MYLK3: variants seen among roughly 807,000 people sequenced by gnomAD.
MYLK3 encodes MLC kinase.
Under a neutral mutation model 76.3 loss-of-function variants are expected in MYLK3, and 55 were observed. That is an observed-to-expected ratio of 0.72 (90% CI 0.58 to 0.90). The LOEUF (loss-of-function observed/expected upper bound fraction) is 0.90, where lower values mean the gene tolerates loss of function less well. MYLK3 is among the 40% of genes least tolerant of loss of function. The probability of loss-of-function intolerance (pLI) is 0.00; values close to 1 mark genes in which losing one functional copy is unlikely to be tolerated. For missense variants in MYLK3, 973 were observed against 1,053.6 expected (o/e 0.92, Z 1.06); for synonymous variants, 416 against 425.4 (o/e 0.98, Z 0.27).
intron 8 of MYLK3, chr16:46,725,821 A>T (rs933031861): frequency 5.9e-5 from 9 of 152,210 alleles, no homozygotes; most frequent in African/African-American, 1.7e-4. Context: ...TTTTTGGAAG[A>T]ATTTGTAAAG....
chr16:46,712,527 G>C, intron 10 of MYLK3, 121 bp downstream of exon 10: 2 of 861,982 alleles, frequency 2.3e-6, no homozygotes, highest in Non-Finnish European at 3.3e-6. Flanking sequence ...TCCTCTATTG[G>C]GGTTTCCTGG....
At chr16:46,753,536 T>G (rs1398827907) in intron 1 of MYLK3, among the ~76,000 whole-genome samples, 2 of 151,972 alleles carry the variant, frequency 1.3e-5, no homozygotes, top group Admixed American at 1.3e-4. Flanking sequence ...GCCTTCAAGA[T>G]GAAAAGGGAA....
intron 9 of MYLK3, among the ~76,000 whole-genome samples, chr16:46,713,740 C>T (rs1966708629): frequency 6.6e-6 from 1 of 152,250 alleles, no homozygotes; most frequent in Admixed American, 6.5e-5. Flanking sequence ...CCCAGTGCCA[C>T]CTGCCCTGTC....
chr16:46,758,304 A>ACACT (rs1567294867), intron 1 of MYLK3, among the ~76,000 whole-genome samples: 2 of 87,266 alleles, frequency 2.3e-5, no homozygotes, highest in African/African-American at 9.4e-5. Flanking sequence ...ACACACACAC[A>ACACT]CTCTCTCTCT....
At chr16:46,742,447 AACAC>A (rs57671045) in intron 1 of MYLK3, among the ~76,000 whole-genome samples, 103 of 131,186 alleles carry the variant, frequency 7.9e-4, no homozygotes, top group African/African-American at 2.8e-3. Context: ...TCCCAGCAAA[AACAC>A]ACACACACAC....
At chr16:46,739,472 G>A (rs1966895825) in intron 2 of MYLK3, among the ~76,000 whole-genome samples, 1 of 152,108 alleles carries the variant, frequency 6.6e-6, no homozygotes, top group African/African-American at 2.4e-5. Flanking sequence ...GAGCAACACA[G>A]GTTTGAACTG....
At chr16:46,746,227 G>C (rs1967018086) in intron 1 of MYLK3, among the ~76,000 whole-genome samples, 1 of 151,920 alleles carries the variant, frequency 6.6e-6, no homozygotes. Flanking sequence ...AAATGTAGAT[G>C]CTATATGAGA....
intron 1 of MYLK3, among the ~76,000 whole-genome samples, chr16:46,760,128 C>T (rs928085716): frequency 6.6e-6 from 1 of 152,180 alleles, no homozygotes; most frequent in Non-Finnish European, 1.5e-5. Flanking sequence ...CTCTGCTCAT[C>T]CAAGGGGGAG....
intron 12 of MYLK3, 82 bp downstream of exon 12, chr16:46,709,456 AG>A: frequency 4.8e-6 from 7 of 1,457,296 alleles, no homozygotes; most frequent in South Asian, 1.3e-5. Context: ...AAAAAAAAAA[AG>A]AAAAGGAAAC....
At chr16:46,709,738 A>G in intron 11 of MYLK3, 67 bp from the exon 12 acceptor site, 3 of 1,568,588 alleles carry the variant, frequency 1.9e-6, no homozygotes, top group South Asian at 2.3e-5. Flanking sequence ...AAATCTGTTC[A>G]CTTGAGTAGG....
chr16:46,707,495 T>C lies in MYLK3; in HGVS notation c.*209A>G, dbSNP rs1304641175. 8 of 532,052 alleles carry C rather than the reference T, an allele frequency of 1.5e-5. No homozygotes were observed. The highest frequency in any genetic ancestry group is 2.7e-5 in the Non-Finnish European group (8 of 301,452). The allele number at this position is 532,052 out of a possible 1,614,324, so 33.0% of individuals were successfully genotyped here. On this transcript the variant is annotated 3_prime_UTR_variant, in exon 13 of 13. Coordinates refer to ENST00000394809, the MANE Select transcript of MYLK3 (RefSeq NM_182493.3). The stretch of plus-strand genomic sequence containing the variant: ...GGTACTCAGAGCATTTCACACGTAG[T>C]GATCTTACAAGGCAGAAAAAAACGT...
rs1260828261 is a variant in MYLK3 at position 46,729,217 on chromosome 16, ACTC to A, written c.1663-87_1663-85del. On this transcript the variant is annotated intron_variant, in intron 6 of 12. Coordinates refer to ENST00000394809, the MANE Select transcript of MYLK3 (RefSeq NM_182493.3). ...GCTGACCTCCCAAGACAGACACAGA[ACTC>A]CTCATTCTTCCTTAGTTTCCTATTC... The A allele has an allele frequency of 4.8e-6, 5 of 1,031,330 alleles. No individual in the cohort carries two copies. The East Asian group carries it at 1.2e-4, about 25-fold the overall frequency. 63.9% of individuals were successfully genotyped at this position (1,031,330 alleles called of 1,614,324 possible). A position where few individuals can be genotyped will look rare whatever the true frequency, so the allele number is the denominator to read the frequency against.
chr16:46,734,198 T>C (rs531387244), intron 3 of MYLK3, among the ~76,000 whole-genome samples: 2 of 152,232 alleles, frequency 1.3e-5, no homozygotes, highest in African/African-American at 4.8e-5. Context: ...GAAGGTGGTG[T>C]CTACGCATTA....
chr16:46,721,512 G>C (rs530783097), intron 8 of MYLK3, among the ~76,000 whole-genome samples: 11 of 152,120 alleles, frequency 7.2e-5, no homozygotes, highest in Non-Finnish European at 1.3e-4. Flanking sequence ...GAATTCAGGG[G>C]TGTTTTGTTT....
At chr16:46,759,877 C>T (rs1967253637) in intron 1 of MYLK3, among the ~76,000 whole-genome samples, 1 of 152,226 alleles carries the variant, frequency 6.6e-6, no homozygotes, top group Non-Finnish European at 1.5e-5. Flanking sequence ...AGGTGATCCA[C>T]CCTCCTTGGC....
chr16:46,727,350 C>G lies in MYLK3; in HGVS notation c.1800G>C (p.Arg600=). 1.2e-6 allele frequency: 2 copies of G among 1,613,054 alleles called. No individual in the cohort carries two copies. Among genetic ancestry groups the G allele is most frequent in the Non-Finnish European group, 1.7e-6 (2 of 1,179,172 alleles). The change falls in exon 8 of 13, where the codon CGG becomes CGC. Residue 600 remains arginine, a synonymous_variant. Coordinates refer to ENST00000394809, the MANE Select transcript of MYLK3 (RefSeq NM_182493.3). ...TCAGGTGGTACTTCTCATCTGTGATCCGGTCGAAGAGCTCACCCCCGTCCA... is the reference window on the plus strand; with the variant it reads ...TCAGGTGGTACTTCTCATCTGTGATGCGGTCGAAGAGCTCACCCCCGTCCA... ...EYVDGGELFD[R]ITDEKYHLTE...
rs554780751 is a variant in MYLK3, at chr16:46,733,758, G to A, written c.1002-1090C>T. On this transcript the variant is annotated intron_variant, in intron 3 of 12. Transcript: ENST00000394809. ...ACAGCACGGGGTCTATGTGTGTTAGGGGGTGAGGGTGACAGTGTCTGGCGG... is the reference window on the plus strand; with the variant it reads ...ACAGCACGGGGTCTATGTGTGTTAGAGGGTGAGGGTGACAGTGTCTGGCGG... Among the ~76,000 whole-genome samples the A allele has an allele frequency of 5.6e-4, 85 of 152,260 alleles. 3 individuals carry two copies. The South Asian group carries it at 0.017, about 30-fold the overall frequency.
chr16:46,747,336 C>G (rs1487963171), intron 1 of MYLK3, among the ~76,000 whole-genome samples: 2 of 152,192 alleles, frequency 1.3e-5, no homozygotes, highest in African/African-American at 4.8e-5. Context: ...AGGGCTCCAT[C>G]AGGACAAACT....
Position 46,706,741 on chromosome 16 carries a change from G to C in MYLK3, c.*963C>G, listed in dbSNP as rs951303368. The C allele has an allele frequency of 2.0e-5, 3 of 152,272 alleles. No individual in the cohort carries two copies. Among genetic ancestry groups the C allele is most frequent in the Non-Finnish European group, 4.4e-5 (3 of 68,070 alleles). The allele number at this position is 152,272 out of a possible 1,614,324, so 9.4% of individuals were successfully genotyped here. A position where few individuals can be genotyped will look rare whatever the true frequency, so the allele number is the denominator to read the frequency against. On this transcript the variant is annotated 3_prime_UTR_variant, in exon 13 of 13. Transcript: ENST00000394809. ...ATCTTCCTGTTGAGTAGGCTGCAGA[G>C]TGGGATGAAGAGGAGAGCATGGTGT...
Sources: allele counts gnomAD v4.1 joint callset (sites outside exome capture counted in the v4.1 genomes callset), GRCh38; gene constraint gnomAD v4.1.1; transcripts MANE v1.5; gene names NCBI Gene and HGNC (gene_info 2026-07-23, HGNC 2026-07-21).